Variants in GPR158 observed in about 807,000 individuals in gnomAD.
The protein encoded by GPR158 is metabotropic glycine receptor.
GPR158 carries 30 observed loss-of-function variants against 78.2 expected under a neutral mutation model. The observed-to-expected ratio is 0.38, with a 90% CI of 0.29 to 0.52. The LOEUF (loss-of-function observed/expected upper bound fraction) is 0.52. Among genes scored for constraint, GPR158 ranks in the 20% least tolerant of loss-of-function variants. The probability of loss-of-function intolerance (pLI) is 0.83; values close to 1 mark genes in which losing one functional copy is unlikely to be tolerated. For missense variants in GPR158, 1,463 were observed against 1,523.5 expected, an observed-to-expected ratio of 0.96 and a Z score of 0.66; for synonymous variants, 581 against 591.1, an observed-to-expected ratio of 0.98 and a Z score of 0.25.
chr10:25,427,203 G>T (rs1450264351), intron 4 of GPR158, among the ~76,000 whole-genome samples: 17 of 151,996 alleles, frequency 1.1e-4, no homozygotes, highest in Admixed American at 1.1e-3. Flanking sequence ...TATAGCAGTG[G>T]GTGTGAAGGG....
intron 4 of GPR158, among the ~76,000 whole-genome samples, chr10:25,433,546 GT>G (rs1341825697): frequency 8.5e-4 from 81 of 95,310 alleles, no homozygotes; most frequent in African/African-American, 2.7e-3. Context: ...GTGTGTGTGT[GT>G]TGTGTGTGTG....
At chr10:25,217,157 C>G (rs1853227565) in intron 1 of GPR158, among the ~76,000 whole-genome samples, 1 of 152,112 alleles carries the variant, frequency 6.6e-6, no homozygotes, top group African/African-American at 2.4e-5. Context: ...ATAAAACTTG[C>G]AAAAATAAGA....
intron 7 of GPR158, among the ~76,000 whole-genome samples, chr10:25,586,400 T>C (rs1837268874): frequency 1.8e-5 from 2 of 114,088 alleles, no homozygotes; most frequent in African/African-American, 3.4e-5. Context: ...AATTTTTTTT[T>C]TTTTTTTTTT....
At chr10:25,539,360 G>A (rs1836543680) in intron 5 of GPR158, among the ~76,000 whole-genome samples, 1 of 152,104 alleles carries the variant, frequency 6.6e-6, no homozygotes, top group African/African-American at 2.4e-5. Context: ...TGTGTGGGGG[G>A]TTTAGATCTT....
chr10:25,197,020 G>T (rs1478175686), intron 1 of GPR158, among the ~76,000 whole-genome samples: 2 of 152,144 alleles, frequency 1.3e-5, no homozygotes, highest in African/African-American at 2.4e-5. Flanking sequence ...CACGATCCTG[G>T]AGAATTCTTT....
At position 25,175,982 on chromosome 10, in the gene GPR158, C is replaced by T. The variant is rs1422798836; in HGVS notation, c.562C>T (p.Pro188Ser). Residue 188 changes from proline (P) to serine (S), a missense_variant, in exon 1 of 11, where the codon CCA becomes TCA. By Grantham distance (74) the Pro-to-Ser change is moderately conservative (BLOSUM62 -1). Coordinates refer to ENST00000376351, the MANE Select transcript of GPR158 (RefSeq NM_020752.3). This position sits in a 1 kb window ranked among gnomAD's most constrained non-coding sequence, Gnocchi z 6.4. ...FSTDSLSAPA[P>S]QVFLQATREE... ...CACCGATTCGCTGTCCGCACCGGCC[C>T]CACAGGTCTTCCTCCAGGCCACGCG... The T allele has an allele frequency of 6.2e-7, 1 of 1,613,300 alleles. No individual in the cohort carries two copies. The highest frequency in any genetic ancestry group is 8.5e-7 in the Non-Finnish European group (1 of 1,179,958).
chr10:25,387,575 G>A (rs983655699), intron 2 of GPR158, among the ~76,000 whole-genome samples: 15 of 150,784 alleles, frequency 9.9e-5, no homozygotes, highest in Admixed American at 5.9e-4. Context: ...GAGTGCAGTG[G>A]CATGATCTTG....
intron 5 of GPR158, among the ~76,000 whole-genome samples, chr10:25,510,070 C>G (rs1396484211): frequency 1.3e-5 from 2 of 152,126 alleles, no homozygotes; most frequent in African/African-American, 4.8e-5. Flanking sequence ...TTCCAGTATA[C>G]TCTACTGGAC....
chr10:25,565,169 A>G (rs959354940), intron 6 of GPR158, among the ~76,000 whole-genome samples: 2 of 152,128 alleles, frequency 1.3e-5, no homozygotes, highest in East Asian at 3.8e-4. Flanking sequence ...AACCGTCAGA[A>G]GGACATGTTT....
At chr10:25,576,145 C>T (rs1465161006) in intron 7 of GPR158, among the ~76,000 whole-genome samples, 1 of 151,964 alleles carries the variant, frequency 6.6e-6, no homozygotes, top group Admixed American at 6.6e-5. Flanking sequence ...TTTTATTGCA[C>T]CTGTCACCCA....
At chr10:25,416,739 G>A (rs1317411180) in intron 4 of GPR158, among the ~76,000 whole-genome samples, 5 of 152,124 alleles carry the variant, frequency 3.3e-5, no homozygotes, top group African/African-American at 1.2e-4. Flanking sequence ...TTATCGATAA[G>A]AAAATCCAGC....
At chr10:25,196,774 T>C (rs77067981) in intron 1 of GPR158, among the ~76,000 whole-genome samples, 2,588 of 152,314 alleles carry the variant, frequency 0.017, 34 homozygotes, top group Non-Finnish European at 0.028. Context: ...CTTGATTTTT[T>C]GCTTGGGAAA....
chr10:25,272,136 A>G (rs1455014785), intron 2 of GPR158, among the ~76,000 whole-genome samples: 2 of 152,198 alleles, frequency 1.3e-5, no homozygotes, highest in Non-Finnish European at 1.5e-5. Context: ...TTAAGGGAAC[A>G]TTTCTGATTA....
At chr10:25,467,049 G>A (rs1426805630) in intron 5 of GPR158, among the ~76,000 whole-genome samples, 1 of 152,144 alleles carries the variant, frequency 6.6e-6, no homozygotes, top group African/African-American at 2.4e-5. Flanking sequence ...TGGTTGGGGT[G>A]CAGCGTGGTT....
At chr10:25,406,405 A>G (rs1196338997) in intron 3 of GPR158, among the ~76,000 whole-genome samples, 1 of 152,050 alleles carries the variant, frequency 6.6e-6, no homozygotes, top group East Asian at 1.9e-4. Flanking sequence ...ACCTTTTATT[A>G]CCTTTTCTTT....
At chr10:25,360,214 T>C (rs541267214) in intron 2 of GPR158, among the ~76,000 whole-genome samples, 5 of 152,356 alleles carry the variant, frequency 3.3e-5, no homozygotes, top group South Asian at 2.1e-4. Context: ...GCCTGTTTAC[T>C]CTGATGATAG....
chr10:25,404,497 T>G (rs10508693), intron 3 of GPR158, among the ~76,000 whole-genome samples: 28,660 of 152,044 alleles, frequency 0.19, 2,927 homozygotes, highest in African/African-American at 0.21. Flanking sequence ...AGAATCGTTT[T>G]GAGTTACATT....
chr10:25,456,784 T>A (rs570885807), intron 4 of GPR158, among the ~76,000 whole-genome samples: 1 of 150,726 alleles, frequency 6.6e-6, no homozygotes, highest in African/African-American at 2.5e-5. Context: ...AAAAATGATG[T>A]CAAACTCACT....
chr10:25,560,556 C>T (rs149750529), intron 6 of GPR158, among the ~76,000 whole-genome samples: 12 of 152,300 alleles, frequency 7.9e-5, no homozygotes, highest in Admixed American at 5.2e-4. Context: ...TGAGCCATTG[C>T]GCCCATCCTA....
Sources: gnomAD v4.1 joint callset for allele counts (sites outside exome capture counted in the v4.1 genomes callset) on GRCh38, gnomAD v4.1.1 for gene constraint, Gnocchi (gnomAD v3.1) non-coding constraint, MANE v1.5 for transcripts, NCBI Gene and HGNC (gene_info 2026-07-23, HGNC 2026-07-21) for gene names.